The following DCAF5 variants were observed in gnomAD, a reference collection of about 807,000 sequenced individuals.
DCAF5 encodes the protein DDB1 and CUL4 associated factor 5.
A neutral mutation model predicts 80.7 loss-of-function variants in DCAF5; 9 were observed. The ratio of observed to expected loss-of-function variants is 0.11; its 90% CI spans 0.07 to 0.19. DCAF5 has a LOEUF of 0.19. Among genes scored for constraint, DCAF5 ranks in the 10% least tolerant of loss-of-function variants. The probability of loss-of-function intolerance (pLI) is 1.00; values close to 1 mark genes in which losing one functional copy is unlikely to be tolerated. For missense variants in DCAF5, 842 were observed against 1,205.7 expected (o/e 0.70, Z 4.47); for synonymous variants, 433 against 461.9 (o/e 0.94, Z 0.80).
chr14:69,153,163 C>G, upstream of DCAF5: 1 of 444,426 alleles, frequency 2.3e-6, no homozygotes. Flanking sequence ...GGTCCCCTCC[C>G]TCTCCTTCCC....
chr14:69,101,264 T>C (rs1271171997), intron 5 of DCAF5, among the ~76,000 whole-genome samples: 1 of 152,198 alleles, frequency 6.6e-6, no homozygotes, highest in African/African-American at 2.4e-5. Context: ...GCCAGAAGGA[T>C]TCATCTAAGT....
intron 4 of DCAF5, 65 bp from the exon 5 acceptor site, chr14:69,116,560 T>A: frequency 6.3e-7 from 1 of 1,580,882 alleles, no homozygotes; most frequent in Non-Finnish European, 8.6e-7. Flanking sequence ...AGGCAGATAA[T>A]CAGGAATGTG....
chr14:69,053,417 C>T lies in DCAF5; in HGVS notation c.*440G>A, dbSNP rs1363546845. Reference sequence around the variant, plus strand: ...CAGGCACCCATCATCCAGACCAGAACACCTATGGCATGTAAACAGGGTGAG... The same window carrying T: ...CAGGCACCCATCATCCAGACCAGAATACCTATGGCATGTAAACAGGGTGAG... On this transcript the variant is annotated 3_prime_UTR_variant, in exon 9 of 9. Transcript: ENST00000341516. 1 of 157,140 alleles carries T rather than the reference C, an allele frequency of 6.4e-6. No individual in the cohort carries two copies. Among genetic ancestry groups the T allele is most frequent in the Non-Finnish European group, 1.4e-5 (1 of 71,164 alleles). The allele number at this position is 157,140 out of a possible 1,614,324, so 9.7% of individuals were successfully genotyped here.
At chr14:69,069,263 G>C (rs996857496) in intron 7 of DCAF5, among the ~76,000 whole-genome samples, 1 of 152,078 alleles carries the variant, frequency 6.6e-6, no homozygotes, top group African/African-American at 2.4e-5. Flanking sequence ...ACAGTGACTC[G>C]GCAGTAAAAA....
chr14:69,124,764 AGGTATG>A (rs2040825985), intron 1 of DCAF5, among the ~76,000 whole-genome samples: 1 of 152,214 alleles, frequency 6.6e-6, no homozygotes, highest in South Asian at 2.1e-4. Context: ...AAACAGACTT[AGGTATG>A]GGCACTTTAG....
At chr14:69,081,099 T>A (rs1338967101) in intron 6 of DCAF5, among the ~76,000 whole-genome samples, 1 of 151,614 alleles carries the variant, frequency 6.6e-6, no homozygotes, top group Admixed American at 6.6e-5. Flanking sequence ...ACAAAAAAAA[T>A]GAAACTCACT....
chr14:69,150,143 A>G (rs1305048841), intron 1 of DCAF5, among the ~76,000 whole-genome samples: 4 of 152,252 alleles, frequency 2.6e-5, no homozygotes, highest in Non-Finnish European at 5.9e-5. Context: ...GGTGTATCTT[A>G]GCCAAAATGG....
At chr14:69,091,218 A>G in intron 6 of DCAF5, 1 of 698,656 alleles carries the variant, frequency 1.4e-6, no homozygotes, top group South Asian at 1.5e-5. Context: ...TGCTTACCCC[A>G]TTTCATCCAA....
chr14:69,134,845 G>C (rs2041141984), intron 1 of DCAF5, among the ~76,000 whole-genome samples: 1 of 152,116 alleles, frequency 6.6e-6, no homozygotes, highest in Non-Finnish European at 1.5e-5. Context: ...AAATAAGCTG[G>C]TTTAACCATC....
intron 5 of DCAF5, among the ~76,000 whole-genome samples, chr14:69,115,727 A>G (rs1176072442): frequency 6.6e-6 from 1 of 152,158 alleles, no homozygotes; most frequent in East Asian, 1.9e-4. Context: ...TCATGCCATC[A>G]TTCAGGTTTG....
intron 1 of DCAF5, among the ~76,000 whole-genome samples, chr14:69,125,993 T>A (rs1364175155): frequency 6.6e-6 from 1 of 152,058 alleles, no homozygotes. Flanking sequence ...AAGGTTAATA[T>A]ACAAAAGTCC....
intron 6 of DCAF5, among the ~76,000 whole-genome samples, chr14:69,085,751 A>C (rs1422796816): frequency 6.6e-6 from 1 of 152,192 alleles, no homozygotes; most frequent in Non-Finnish European, 1.5e-5. Context: ...TCTCTTTACA[A>C]AACAGAAAGT....
rs142929985 is a variant in DCAF5 at position 69,052,286 on chromosome 14, C to T, written c.*1571G>A. ...CATCTTCTGCCTTCATAGGCAGCCT[C>T]CCCTTGGCTCCAGTTCCAGCAGGAC... On this transcript the variant is annotated 3_prime_UTR_variant, in exon 9 of 9. Coordinates refer to ENST00000341516, the MANE Select transcript of DCAF5 (RefSeq NM_003861.3). 0.012 allele frequency: 1,852 copies of T among 152,812 alleles called. 20 individuals are homozygous for T. The highest frequency in any genetic ancestry group is 0.017 in the Non-Finnish European group (1,180 of 68,080). 9.5% of individuals were successfully genotyped at this position (152,812 alleles called of 1,614,324 possible). A position where few individuals can be genotyped will look rare whatever the true frequency, so the allele number is the denominator to read the frequency against.
chr14:69,128,754 C>T (rs1355007591), intron 1 of DCAF5, among the ~76,000 whole-genome samples: 1 of 152,010 alleles, frequency 6.6e-6, no homozygotes, highest in African/African-American at 2.4e-5. Context: ...GGTAACAGAG[C>T]AAGACTCCAT....
chr14:69,063,656 G>A (rs1234712377), intron 7 of DCAF5, among the ~76,000 whole-genome samples: 1 of 152,200 alleles, frequency 6.6e-6, no homozygotes, highest in Non-Finnish European at 1.5e-5. Context: ...CAATGTCTGT[G>A]TTTGGAGGGA....
chr14:69,126,064 T>C (rs10146339), intron 1 of DCAF5, among the ~76,000 whole-genome samples: 46,278 of 151,640 alleles, frequency 0.31, 9,405 homozygotes, highest in East Asian at 0.91. Context: ...TATTTAGGTA[T>C]AAATTTAACA....
rs1014527854 is a variant in DCAF5, at chr14:69,054,270, T to C, written c.2416A>G (p.Asn806Asp). ...PVPKASGSTLNSGSGNCPRTQ... is the reference protein window; with the variant it reads ...PVPKASGSTLDSGSGNCPRTQ... ...CTGGGACAGTTGCCAGACCCGCTGT[T>C]GAGAGTGGAGCCAGATGCCTTGGGG... The change falls in exon 9 of 9, where the codon AAC becomes GAC. Residue 806 changes from asparagine (N) to aspartate (D), a missense_variant. Asn to Asp is a conservative substitution (Grantham distance 23). Coordinates refer to ENST00000341516, the MANE Select transcript of DCAF5 (RefSeq NM_003861.3). 2 of 1,614,080 alleles carry C rather than the reference T, an allele frequency of 1.2e-6. No individual in the cohort carries two copies. The highest frequency in any genetic ancestry group is 2.7e-5 in the African/African-American group (2 of 74,934).
At chr14:69,116,687 G>A (rs753719166) in intron 4 of DCAF5, among the ~76,000 whole-genome samples, 192 bp from the exon 5 acceptor site, 1 of 151,958 alleles carries the variant, frequency 6.6e-6, no homozygotes, top group East Asian at 1.9e-4. Context: ...TACATAGCAA[G>A]GTAAACACAT....
At chr14:69,110,440 A>AT (rs149336032) in intron 5 of DCAF5, among the ~76,000 whole-genome samples, 8,616 of 148,234 alleles carry the variant, frequency 0.058, 785 homozygotes, top group African/African-American at 0.2. Context: ...TAATTTTCCT[A>AT]TTTTTTTTTA....
Sources: gnomAD v4.1 joint callset for allele counts (sites outside exome capture counted in the v4.1 genomes callset) on GRCh38, gnomAD v4.1.1 for gene constraint, MANE v1.5 for transcripts, NCBI Gene and HGNC (gene_info 2026-07-23, HGNC 2026-07-21) for gene names.